The following PHIP variants were observed in gnomAD, a reference collection of about 807,000 sequenced individuals.
PHIP encodes PH-interacting protein.
In PHIP, 54 loss-of-function variants were observed where a neutral mutation model predicts 236.8. That is an observed-to-expected ratio of 0.23 (90% CI 0.18 to 0.29). The LOEUF is 0.29. PHIP is among the 10% of genes least tolerant of loss of function. The pLI is 1.00. For missense variants in PHIP, 1,370 were observed against 2,190.8 expected (o/e 0.63, Z 7.48); for synonymous variants, 756 against 718.9 (o/e 1.05, Z -0.83).
At chr6:79,038,134 G>A (rs1467596639) in intron 7 of PHIP, among the ~76,000 whole-genome samples, 1 of 152,166 alleles carries the variant, frequency 6.6e-6, no homozygotes, top group Non-Finnish European at 1.5e-5. Context: ...TGCTAAAACA[G>A]AACATTTTTT....
chr6:79,031,862 A>C (rs1263294079), intron 7 of PHIP, among the ~76,000 whole-genome samples: 1 of 152,208 alleles, frequency 6.6e-6, no homozygotes. Context: ...AAAAGTTCTG[A>C]TTTTGTAAAT....
chr6:79,034,517 C>T (rs1771834354), intron 7 of PHIP, among the ~76,000 whole-genome samples: 2 of 152,186 alleles, frequency 1.3e-5, no homozygotes, highest in African/African-American at 4.8e-5. Flanking sequence ...CACCTAAAGT[C>T]TATGCCCCCA....
At chr6:78,957,042 T>C (rs1766464238) in intron 32 of PHIP, 1 of 152,040 alleles carries the variant, frequency 6.6e-6, no homozygotes, top group Non-Finnish European at 1.5e-5. Context: ...AAAAAAGTAT[T>C]TTTAAACAAA....
chr6:78,936,723 T>C lies in PHIP; in HGVS notation c.*3970A>G, dbSNP rs113293227. The C allele has an allele frequency of 3.2e-4, 48 of 152,048 alleles. 1 individual carries two copies. The highest frequency in any genetic ancestry group is 1.1e-3 in the African/African-American group (47 of 41,578). 9.4% of individuals were successfully genotyped at this position (152,048 alleles called of 1,614,324 possible). A position where few individuals can be genotyped will look rare whatever the true frequency, so the allele number is the denominator to read the frequency against. On this transcript the variant is annotated 3_prime_UTR_variant, in exon 40 of 40. Transcript: ENST00000275034. ...CTGCAGTGTGTACAAGGTTTATCTCTGGAGCGCCAAAAGTGGTACTTACAG... is the reference window on the plus strand; with the variant it reads ...CTGCAGTGTGTACAAGGTTTATCTCCGGAGCGCCAAAAGTGGTACTTACAG...
intron 27 of PHIP, among the ~76,000 whole-genome samples, chr6:78,968,120 G>GCTCGCTCTGTCT (rs1374623521): frequency 9.2e-5 from 14 of 152,110 alleles, no homozygotes; most frequent in Non-Finnish European, 2.1e-4. Context: ...GGGTGACAGA[G>GCTCGCTCTGTCT]CGAGACTCCA....
Position 78,961,805 on chromosome 6 carries a change from C to A in PHIP, c.3541G>T (p.Ala1181Ser), listed in dbSNP as rs147526156. Reference sequence around the variant, plus strand: ...TCCACGGGGGCCACAAATGCTGAGGCAATATCTAAAATAAATAGATAAGTT... The same window carrying A: ...TCCACGGGGGCCACAAATGCTGAGGAAATATCTAAAATAAATAGATAAGTT... The part of the protein sequence containing the change: ...GINQLMTLDI[A>S]SAFVAPVDLQ... Residue 1181 changes from alanine (A) to serine (S), a missense_variant, in exon 31 of 40, where the codon GCC becomes TCC. By Grantham distance (99) the Ala-to-Ser change is moderately conservative. Transcript: ENST00000275034. The A allele has an allele frequency of 5.5e-5, 88 of 1,606,586 alleles. No individual in the cohort carries two copies. The Middle Eastern group carries it at 8.3e-4, about 15-fold the overall frequency.
At chr6:78,946,310 A>G in intron 37 of PHIP, 50 bp from the exon 38 acceptor site, 2 of 1,520,590 alleles carry the variant, frequency 1.3e-6, no homozygotes, top group South Asian at 1.2e-5. Context: ...TATGTGAACG[A>G]ATAAAACAGT....
chr6:78,955,019 G>T, intron 34 of PHIP, 56 bp from the exon 35 acceptor site: 1 of 1,296,852 alleles, frequency 7.7e-7, no homozygotes, highest in Non-Finnish European at 1.0e-6. Flanking sequence ...AATAAAATTT[G>T]TACTTTTAAT....
intron 19 of PHIP, among the ~76,000 whole-genome samples, chr6:78,993,694 T>C (rs979038055): frequency 2.6e-5 from 4 of 152,186 alleles, no homozygotes; most frequent in Non-Finnish European, 4.4e-5. Flanking sequence ...GAAAACATGA[T>C]TGCTTTCAAA....
At chr6:79,067,991 T>G (rs1314106084) in intron 4 of PHIP, 2 of 157,216 alleles carry the variant, frequency 1.3e-5, no homozygotes, top group Non-Finnish European at 2.9e-5. Flanking sequence ...CTACTTCACA[T>G]AAACAGCCAT....
chr6:79,077,029 A>T (rs552784818), intron 4 of PHIP, among the ~76,000 whole-genome samples: 1 of 152,096 alleles, frequency 6.6e-6, no homozygotes, highest in Non-Finnish European at 1.5e-5. Flanking sequence ...TGTGTAGGGC[A>T]GGAGAAAGCC....
intron 19 of PHIP, among the ~76,000 whole-genome samples, chr6:78,993,406 A>C (rs940517004): frequency 2.6e-5 from 4 of 152,188 alleles, no homozygotes; most frequent in African/African-American, 7.2e-5. Context: ...ATGGAAGAAG[A>C]TATCATCTGG....
At chr6:79,007,332 C>T (rs1770336994) in intron 15 of PHIP, among the ~76,000 whole-genome samples, 1 of 151,994 alleles carries the variant, frequency 6.6e-6, no homozygotes, top group Non-Finnish European at 1.5e-5. Context: ...ATAGGTAAAT[C>T]ACCTAATCTC....
At chr6:78,945,833 TAATTC>T in intron 38 of PHIP, 163 bp downstream of exon 38, 1 of 625,788 alleles carries the variant, frequency 1.6e-6, no homozygotes, top group Non-Finnish European at 2.8e-6. Flanking sequence ...AACCTCAATT[TAATTC>T]TTCTTATTAA....
chr6:78,962,145 CTAT>C (rs1271096591), intron 30 of PHIP, among the ~76,000 whole-genome samples: 1 of 152,106 alleles, frequency 6.6e-6, no homozygotes, highest in South Asian at 2.1e-4. Context: ...CAAAGCCATT[CTAT>C]TATTAACACT....
chr6:79,070,751 T>C (rs1273067066), intron 4 of PHIP, among the ~76,000 whole-genome samples: 1 of 152,184 alleles, frequency 6.6e-6, no homozygotes, highest in Non-Finnish European at 1.5e-5. Flanking sequence ...TCGTATAACC[T>C]TTACACTCCT....
At chr6:79,076,610 TA>T (rs370339176) in intron 4 of PHIP, among the ~76,000 whole-genome samples, 13 of 152,338 alleles carry the variant, frequency 8.5e-5, no homozygotes, top group African/African-American at 3.1e-4. Flanking sequence ...GTTTTTAAGC[TA>T]TTAAACAAAA....
intron 4 of PHIP, among the ~76,000 whole-genome samples, chr6:79,073,643 T>C (rs1774003613): frequency 6.6e-6 from 1 of 152,132 alleles, no homozygotes; most frequent in African/African-American, 2.4e-5. Flanking sequence ...ACTAAATAAA[T>C]GTATACCTAA....
intron 4 of PHIP, among the ~76,000 whole-genome samples, chr6:79,075,116 T>C (rs1014396333): frequency 8.5e-5 from 13 of 152,092 alleles, no homozygotes; most frequent in Non-Finnish European, 1.8e-4. Context: ...TAGAAAATAC[T>C]GTACAAGAGA....
Sources: allele counts gnomAD v4.1 joint callset (sites outside exome capture counted in the v4.1 genomes callset), GRCh38; gene constraint gnomAD v4.1.1; transcripts MANE v1.5; gene names NCBI Gene and HGNC (gene_info 2026-07-23, HGNC 2026-07-21).